Variants in PDZRN3 observed in about 807,000 individuals in gnomAD.
The protein encoded by PDZRN3 is E3 ubiquitin-protein ligase PDZRN3.
PDZRN3 carries 38 observed loss-of-function variants against 85.7 expected under a neutral mutation model. The ratio of observed to expected loss-of-function variants is 0.44; its 90% CI spans 0.34 to 0.58. PDZRN3 has a LOEUF of 0.58. Among genes scored for constraint, PDZRN3 ranks in the 20% least tolerant of loss-of-function variants. PDZRN3 has a pLI of 0.01. For missense variants in PDZRN3, 1,629 were observed against 1,506.4 expected, an observed-to-expected ratio of 1.08 and a Z score of -1.35; for synonymous variants, 759 against 638.0, an observed-to-expected ratio of 1.19 and a Z score of -2.86.
At chr3:73,437,181 A>T (rs1702547648) in intron 3 of PDZRN3, among the ~76,000 whole-genome samples, 1 of 152,168 alleles carries the variant, frequency 6.6e-6, no homozygotes, top group South Asian at 2.1e-4. Context: ...AATAGCAATA[A>T]CAAACCCATT....
At chr3:73,390,654 T>TGTGTGTGTGTGAGA (rs36036904) in intron 6 of PDZRN3, among the ~76,000 whole-genome samples, 36 of 140,052 alleles carry the variant, frequency 2.6e-4, no homozygotes, top group South Asian at 9.6e-4. Context: ...TGTGTGTGTG[T>TGTGTGTGTGTGAGA]GAGAGAGAGA....
chr3:73,436,440 G>C (rs1204130974), intron 3 of PDZRN3, among the ~76,000 whole-genome samples: 1 of 152,158 alleles, frequency 6.6e-6, no homozygotes, highest in East Asian at 1.9e-4. Flanking sequence ...GTGTGCTTGG[G>C]TGTCCCCACA....
chr3:73,502,658 T>G (rs563422013), intron 3 of PDZRN3, among the ~76,000 whole-genome samples: 1 of 152,348 alleles, frequency 6.6e-6, no homozygotes, highest in African/African-American at 2.4e-5. Flanking sequence ...ACCAGGCAGC[T>G]GTAAGAAATG....
In PDZRN3 at chr3:73,406,510, T is replaced by C. The variant is rs145123270; in HGVS notation, c.919-2115A>G. Among the ~76,000 whole-genome samples the C allele has an allele frequency of 1.9e-3, 293 of 152,286 alleles. 2 individuals carry two copies. The highest frequency in any genetic ancestry group is 6.5e-3 in the African/African-American group (271 of 41,544). ...CAGCAAATTTGTTGCTGAGAATAAA[T>C]TAATGCAACATATAGCACCCTTAGG... On this transcript the variant is annotated intron_variant, in intron 3 of 9. Coordinates refer to ENST00000263666, the MANE Select transcript of PDZRN3 (RefSeq NM_015009.3).
chr3:73,510,639 C>A (rs1347617612), intron 3 of PDZRN3, among the ~76,000 whole-genome samples: 2 of 152,102 alleles, frequency 1.3e-5, no homozygotes, highest in Non-Finnish European at 2.9e-5. Flanking sequence ...GGAGGTAGAT[C>A]CAAGGACAGC....
Position 73,389,844 on chromosome 3 carries a change from C to T in PDZRN3, c.1388G>A (p.Arg463His), listed in dbSNP as rs959854591. Residue 463 changes from arginine to histidine, a missense_variant, in exon 7 of 10, where the codon CGC (arginine) becomes CAC (histidine). Transcript: ENST00000263666. ...GATAATGCGGTCTCCTTCTCGGATG[C>T]GCCCATCCTTGGCTGCAATGCTGTT... ...DPNSIAAKDG[R>H]IREGDRIIQI... is the part of the protein sequence containing the mutation. The T allele has an allele frequency of 8.1e-6, 13 of 1,613,490 alleles. No individual in the cohort carries two copies. The East Asian group carries it at 8.9e-5, about 11-fold the overall frequency.
intron 3 of PDZRN3, among the ~76,000 whole-genome samples, chr3:73,510,997 C>T (rs1034343186): frequency 6.6e-6 from 1 of 152,154 alleles, no homozygotes; most frequent in East Asian, 1.9e-4. Context: ...CACTGAAATA[C>T]TCTACAGTTC....
At position 73,383,799 on chromosome 3, in the gene PDZRN3, C is replaced by T; in HGVS notation, c.2767G>A (p.Val923Met). ...CGCGTCCCGTCGCTGCGGATCTTCA[C>T]CTTCCACTCCATGCGCGGCTCCGAC... ...TPSEPRMEWK[V>M]KIRSDGTRYI... is the part of the protein sequence containing the mutation. The change falls in exon 10 of 10, where the codon GTG (valine) becomes ATG (methionine). Residue 923 changes from valine (V) to methionine (M), a missense_variant. Coordinates refer to ENST00000263666, the MANE Select transcript of PDZRN3 (RefSeq NM_015009.3). The T allele has an allele frequency of 6.2e-7, 1 of 1,613,692 alleles. No homozygotes were observed. The highest frequency in any genetic ancestry group is 2.2e-5 in the East Asian group (1 of 44,866).
chr3:73,579,012 C>T (rs1163625480), intron 3 of PDZRN3, among the ~76,000 whole-genome samples: 1 of 152,038 alleles, frequency 6.6e-6, no homozygotes, highest in Non-Finnish European at 1.5e-5. Flanking sequence ...TTGGAAGGTC[C>T]TTGCTTTGGT....
intron 3 of PDZRN3, among the ~76,000 whole-genome samples, chr3:73,410,876 A>G (rs1701952916): frequency 6.6e-6 from 1 of 152,244 alleles, no homozygotes; most frequent in Non-Finnish European, 1.5e-5. Context: ...GTATATCTGA[A>G]CCAGTATGAA....
At chr3:73,547,242 G>A (rs1237406084) in intron 3 of PDZRN3, among the ~76,000 whole-genome samples, 1 of 152,202 alleles carries the variant, frequency 6.6e-6, no homozygotes, top group Non-Finnish European at 1.5e-5. Context: ...GTTTTTCAGA[G>A]TAAAAGCTCT....
chr3:73,450,381 T>G (rs1221685483), intron 3 of PDZRN3, among the ~76,000 whole-genome samples: 1 of 152,218 alleles, frequency 6.6e-6, no homozygotes, highest in Non-Finnish European at 1.5e-5. Context: ...CTCATGGATG[T>G]GCAGATTGGC....
chr3:73,516,605 G>A (rs1575703455), intron 3 of PDZRN3, among the ~76,000 whole-genome samples: 1 of 152,212 alleles, frequency 6.6e-6, no homozygotes, highest in East Asian at 1.9e-4. Flanking sequence ...CCATACATAA[G>A]TTTTAAATTT....
In PDZRN3 at chr3:73,424,511, C is replaced by T. The variant is rs190448794; in HGVS notation, c.919-20116G>A. 1.1e-3 allele frequency among the ~76,000 whole-genome samples: 149 copies of T among 138,230 alleles called. 2 individuals are homozygous for T. Among genetic ancestry groups the T allele is most frequent in the African/African-American group, 3.9e-3 (142 of 36,710 alleles). The allele number at this position is 138,230 out of a possible 152,430, so 90.7% of individuals were successfully genotyped here. A position where few individuals can be genotyped will look rare whatever the true frequency, so the allele number is the denominator to read the frequency against. On this transcript the variant is annotated intron_variant, in intron 3 of 9. Transcript: ENST00000263666. Reference sequence around the variant, plus strand: ...AAGCTGAGATCGTGCCACTGCACTCCAGCCTGGGAGACAGAGTGAGACTCC... The same window carrying T: ...AAGCTGAGATCGTGCCACTGCACTCTAGCCTGGGAGACAGAGTGAGACTCC...
rs1340072321 is a variant in PDZRN3, at chr3:73,606,794, G to C, written c.810+1804C>G. Among the ~76,000 whole-genome samples the C allele has an allele frequency of 5.3e-5, 8 of 152,194 alleles. No individual in the cohort carries two copies. In the East Asian group the frequency reaches 1.5e-3, roughly 29 times the overall value. On this transcript the variant is annotated intron_variant, in intron 2 of 9. Transcript: ENST00000263666. The stretch of plus-strand genomic sequence containing the variant: ...ACAACTGCAAACACATAATTAAGTT[G>C]TTGTTTCTTATAATAAGCCATTGTT...
intron 3 of PDZRN3, among the ~76,000 whole-genome samples, chr3:73,598,380 A>C (rs1702462082): frequency 6.6e-6 from 1 of 152,218 alleles, no homozygotes; most frequent in African/African-American, 2.4e-5. Context: ...GAGAAATTAA[A>C]TTTAGTTTTC....
chr3:73,384,107 G>T lies in PDZRN3; in HGVS notation c.2459C>A (p.Pro820His), dbSNP rs754249487. The change falls in exon 10 of 10, where the codon CCT becomes CAT. Residue 820 changes from proline (P) to histidine (H), a missense_variant. Pro to His is a moderately conservative substitution (Grantham distance 77). Transcript: ENST00000263666. ...CTCCTTCAGGGACGGGCTATAGGTAGGGGTGCCCACTTCGGGATCTTCCGT... is the reference window on the plus strand; with the variant it reads ...CTCCTTCAGGGACGGGCTATAGGTATGGGTGCCCACTTCGGGATCTTCCGT... ...SITEDPEVGT[P>H]TYSPSLKELD... 6.2e-7 allele frequency: 1 copy of T among 1,613,996 alleles called. No homozygotes were observed. Among genetic ancestry groups the T allele is most frequent in the South Asian group, 1.1e-5 (1 of 91,086 alleles).
At position 73,395,702 on chromosome 3, in the gene PDZRN3, C is replaced by G. The variant is rs1396005733; in HGVS notation, c.1255-4586G>C. On this transcript the variant is annotated intron_variant, in intron 5 of 9. Transcript: ENST00000263666. ...TATCTCAACAGTTTCTGTATCTAGT[C>G]ATGGTGCTATGTGGGATACAGAAAT... 2.0e-5 allele frequency among the ~76,000 whole-genome samples: 3 copies of G among 152,224 alleles called. No individual in the cohort carries two copies. The East Asian group carries it at 5.8e-4, about 29-fold the overall frequency.
intron 3 of PDZRN3, among the ~76,000 whole-genome samples, chr3:73,443,579 G>A (rs940740088): frequency 1.4e-5 from 2 of 147,356 alleles, no homozygotes; most frequent in East Asian, 2.0e-4. Flanking sequence ...CTGAACTCTC[G>A]GGCTCAAGCT....
Sources: allele counts gnomAD v4.1 joint callset (sites outside exome capture counted in the v4.1 genomes callset), GRCh38; gene constraint gnomAD v4.1.1; transcripts MANE v1.5; gene names NCBI Gene and HGNC (gene_info 2026-07-23, HGNC 2026-07-21).